Variants in LIPI observed in about 807,000 individuals in gnomAD.
LIPI encodes lipase member I.
LIPI carries 59 observed loss-of-function variants against 50.6 expected under a neutral mutation model. The ratio of observed to expected loss-of-function variants is 1.16; its 90% CI spans 0.94 to 1.45. LIPI has a LOEUF of 1.45. Among genes scored for constraint, LIPI ranks in the 40% most tolerant of loss-of-function variants. The pLI is 0.00. For missense variants in LIPI, 586 were observed against 536.3 expected (o/e 1.09, Z -0.92); for synonymous variants, 203 against 178.2 (o/e 1.14, Z -1.11).
chr21:14,134,006 G>A (rs1042115270), intron 9 of LIPI, among the ~76,000 whole-genome samples: 1 of 152,092 alleles, frequency 6.6e-6, no homozygotes, highest in Non-Finnish European at 1.5e-5. Flanking sequence ...CTGGAGGATT[G>A]CTTGAGCTCC....
intron 1 of LIPI, among the ~76,000 whole-genome samples, chr21:14,197,944 G>A (rs939927916): frequency 2.0e-5 from 3 of 152,094 alleles, no homozygotes; most frequent in African/African-American, 7.2e-5. Flanking sequence ...CTACAAGCCA[G>A]AACAGATTGG....
intron 7 of LIPI, among the ~76,000 whole-genome samples, chr21:14,160,076 T>C (rs1356638826): frequency 2.6e-5 from 4 of 151,422 alleles, no homozygotes; most frequent in Non-Finnish European, 4.4e-5. Flanking sequence ...ATGTGGTTAA[T>C]GTAATTTCTG....
intron 9 of LIPI, among the ~76,000 whole-genome samples, chr21:14,111,108 T>TG (rs1010393424): frequency 2.0e-5 from 3 of 151,898 alleles, no homozygotes; most frequent in Non-Finnish European, 4.4e-5. Context: ...CACCCAGTAG[T>TG]GGGATTGCTG....
chr21:14,138,111 T>C (rs972144044), intron 9 of LIPI, among the ~76,000 whole-genome samples: 6 of 152,112 alleles, frequency 3.9e-5, no homozygotes, highest in East Asian at 1.9e-4. Flanking sequence ...ATGTTCACCA[T>C]TGAGGTTTTG....
intron 1 of LIPI, among the ~76,000 whole-genome samples, chr21:14,192,566 G>A (rs1171404509): frequency 6.7e-6 from 1 of 148,374 alleles, no homozygotes; most frequent in Non-Finnish European, 1.5e-5. Context: ...ACATTAAATT[G>A]ATTCAATTCT....
chr21:14,148,185 T>A (rs1224586008), intron 8 of LIPI, among the ~76,000 whole-genome samples: 1 of 152,120 alleles, frequency 6.6e-6, no homozygotes, highest in African/African-American at 2.4e-5. Context: ...CATAGGGGCA[T>A]GTACAAGAAG....
chr21:14,130,891 G>T (rs1010637037), intron 9 of LIPI, among the ~76,000 whole-genome samples: 1 of 152,172 alleles, frequency 6.6e-6, no homozygotes, highest in African/African-American at 2.4e-5. Context: ...GCTACCCAGA[G>T]ATCTGAGAGC....
intron 4 of LIPI, among the ~76,000 whole-genome samples, chr21:14,172,968 A>G (rs1326696299): frequency 2.0e-5 from 3 of 152,212 alleles, no homozygotes; most frequent in Non-Finnish European, 4.4e-5. Flanking sequence ...GTAAATACAG[A>G]GTATGTGAAA....
chr21:14,156,922 C>T (rs894898453), intron 7 of LIPI, among the ~76,000 whole-genome samples: 1 of 151,760 alleles, frequency 6.6e-6, no homozygotes, highest in African/African-American at 2.4e-5. Flanking sequence ...GTTAATCTTG[C>T]CGTCATTGAG....
intron 7 of LIPI, among the ~76,000 whole-genome samples, chr21:14,159,595 G>A (rs541934628): frequency 3.0e-4 from 45 of 151,216 alleles, no homozygotes; most frequent in African/African-American, 1.1e-3. Flanking sequence ...AAAGGTATCT[G>A]TGCTTACCAC....
intron 1 of LIPI, among the ~76,000 whole-genome samples, chr21:14,207,414 A>C (rs1241430222): frequency 6.6e-6 from 1 of 152,158 alleles, no homozygotes; most frequent in Non-Finnish European, 1.5e-5. Flanking sequence ...TGTACTCTAG[A>C]AATAATAGGC....
At chr21:14,164,436 C>T (rs1486606291) in intron 6 of LIPI, among the ~76,000 whole-genome samples, 1 of 152,116 alleles carries the variant, frequency 6.6e-6, no homozygotes, top group Non-Finnish European at 1.5e-5. Context: ...GTGCATACCC[C>T]TCCTAGGGTG....
chr21:14,190,924 A>C (rs1262661800), intron 1 of LIPI, among the ~76,000 whole-genome samples: 3 of 152,214 alleles, frequency 2.0e-5, no homozygotes, highest in Non-Finnish European at 2.9e-5. Flanking sequence ...TAGAATAAGT[A>C]ATGAGGAATA....
At chr21:14,167,944 C>A (rs566547761) in intron 4 of LIPI, among the ~76,000 whole-genome samples, 1 of 152,058 alleles carries the variant, frequency 6.6e-6, no homozygotes, top group Non-Finnish European at 1.5e-5. Context: ...TCAAACCAAA[C>A]GCAAAGAAGT....
intron 1 of LIPI, chr21:14,206,777 AT>A (rs762757355): frequency 1.6e-6 from 2 of 1,248,800 alleles, no homozygotes; most frequent in South Asian, 2.5e-5. Flanking sequence ...TCTTTTCTTC[AT>A]TTTATATATG....
At chr21:14,205,549 T>TCC (rs111451491) in intron 1 of LIPI, among the ~76,000 whole-genome samples, 3,651 of 151,578 alleles carry the variant, frequency 0.024, 61 homozygotes, top group Admixed American at 0.031. Flanking sequence ...TGCACATACC[T>TCC]CCCCCCACAC....
At chr21:14,159,100 C>A (rs1031784267) in intron 7 of LIPI, among the ~76,000 whole-genome samples, 2 of 151,394 alleles carry the variant, frequency 1.3e-5, no homozygotes, top group East Asian at 1.9e-4. Flanking sequence ...TCAGAACAGA[C>A]AACAGAGAAG....
intron 9 of LIPI, among the ~76,000 whole-genome samples, chr21:14,115,501 C>T (rs147496136): frequency 2.5e-4 from 38 of 152,224 alleles, no homozygotes; most frequent in Admixed American, 1.7e-3. Flanking sequence ...GAACTCTGTT[C>T]GATCTCTCTT....
At chr21:14,155,039 C>T (rs2018226517) in intron 7 of LIPI, among the ~76,000 whole-genome samples, 1 of 151,678 alleles carries the variant, frequency 6.6e-6, no homozygotes, top group Non-Finnish European at 1.5e-5. Context: ...AATAATGATT[C>T]AAAGTTAACA....
Sources: gnomAD v4.1 joint callset for allele counts (sites outside exome capture counted in the v4.1 genomes callset) on GRCh38, gnomAD v4.1.1 for gene constraint, MANE v1.5 for transcripts, NCBI Gene and HGNC (gene_info 2026-07-23, HGNC 2026-07-21) for gene names.